The following BTBD10 variants were observed in gnomAD, a reference collection of about 807,000 sequenced individuals.
BTBD10 encodes BTB domain containing 10, also known as BTB/POZ domain-containing protein 10.
BTBD10 carries 21 observed loss-of-function variants against 53.2 expected under a neutral mutation model. That is an observed-to-expected ratio of 0.39 (90% CI 0.28 to 0.57). The LOEUF is 0.57. Ranked by LOEUF, BTBD10 falls within the 20% of genes least tolerant of loss-of-function variation. The pLI, the probability that BTBD10 is intolerant of heterozygous loss-of-function variation, is 0.53. For synonymous variants in BTBD10, 149 were observed against 192.7 expected, an observed-to-expected ratio of 0.77 and a Z score of 1.88; for missense variants, 360 against 594.7, an observed-to-expected ratio of 0.61 and a Z score of 4.10.
At chr11:13,399,280 G>A (rs181498062) in intron 8 of BTBD10, among the ~76,000 whole-genome samples, 145 of 152,010 alleles carry the variant, frequency 9.5e-4, no homozygotes, top group Non-Finnish European at 1.5e-3. Context: ...TTCTCTTCAC[G>A]CTTCATTTCA....
chr11:13,444,943 G>A (rs901438924), intron 2 of BTBD10, 81 bp downstream of exon 2: 9 of 1,035,654 alleles, frequency 8.7e-6, no homozygotes, highest in African/African-American at 3.2e-5. Context: ...GACAGGAATT[G>A]CCACAACCAA....
At chr11:13,421,079 C>T (rs1228907907) in intron 3 of BTBD10, among the ~76,000 whole-genome samples, 1 of 136,980 alleles carries the variant, frequency 7.3e-6, no homozygotes, top group African/African-American at 2.7e-5. Context: ...TGCTAAGGCA[C>T]CTCTTCTTCA....
intron 2 of BTBD10, among the ~76,000 whole-genome samples, chr11:13,433,770 T>C (rs912931238): frequency 4.6e-5 from 7 of 151,966 alleles, no homozygotes; most frequent in Admixed American, 1.3e-4. Flanking sequence ...TAGCCAAAAA[T>C]ATTCACTATC....
At chr11:13,415,594 G>A (rs1950085344) in intron 5 of BTBD10, among the ~76,000 whole-genome samples, 1 of 150,130 alleles carries the variant, frequency 6.7e-6, no homozygotes, top group South Asian at 2.1e-4. Context: ...TTTTTTTTTA[G>A]ACATATATAA....
chr11:13,418,081 T>C (rs961918627), intron 4 of BTBD10, among the ~76,000 whole-genome samples: 2 of 152,112 alleles, frequency 1.3e-5, no homozygotes, highest in African/African-American at 4.8e-5. Flanking sequence ...TATGGTACGG[T>C]TGAACTAAGT....
rs375550197 is a variant in BTBD10, at chr11:13,423,800, G to A, written c.102-1962C>T. Among the ~76,000 whole-genome samples, 293 of 152,212 alleles carry A rather than the reference G, an allele frequency of 1.9e-3. 2 individuals carry two copies. Among genetic ancestry groups the A allele is most frequent in the African/African-American group, 6.7e-3 (278 of 41,540 alleles). On this transcript the variant is annotated intron_variant, in intron 2 of 8. Coordinates refer to ENST00000278174, the MANE Select transcript of BTBD10 (RefSeq NM_032320.7). ...CTTGCTATAACAGAATACCAGGACA[G>A]AAGATAAAGTTGACTTTGTATTTAT... is the stretch of plus-strand genomic sequence containing the variant.
At chr11:13,450,523 T>C (rs1035432530) in intron 1 of BTBD10, among the ~76,000 whole-genome samples, 2 of 152,208 alleles carry the variant, frequency 1.3e-5, no homozygotes, top group African/African-American at 4.8e-5. Flanking sequence ...AAATGTATGA[T>C]ATGGATATAA....
Position 13,419,694 on chromosome 11 carries a change from T to C in BTBD10, c.350A>G (p.Lys117Arg), listed in dbSNP as rs754903895. Residue 117 changes from lysine (K) to arginine (R), a missense_variant, in exon 4 of 9, where the codon AAA becomes AGA. Lys to Arg is a conservative substitution (Grantham distance 26, BLOSUM62 2). Around this residue, in one of 6 missense-constraint regions of BTBD10, gnomAD observed 109 missense variants for 118.6 expected, o/e 0.92. Coordinates refer to ENST00000278174, the MANE Select transcript of BTBD10 (RefSeq NM_032320.7). ...GCTAATGGAACCATTTGGGGATGCT[T>C]TTTGAGGACGCGGACTGCTTGGACG... ...SSRPSSPRPQ[K>R]ASPNGSISSA... The C allele has an allele frequency of 1.9e-6, 3 of 1,613,682 alleles. No homozygotes were observed. The Admixed American group carries it at 5.0e-5, about 27-fold the overall frequency.
At chr11:13,394,614 T>G (rs911853202) in intron 8 of BTBD10, among the ~76,000 whole-genome samples, 12 of 152,316 alleles carry the variant, frequency 7.9e-5, no homozygotes, top group Non-Finnish European at 1.3e-4. Flanking sequence ...ATTACATATT[T>G]ATACATGTGC....
chr11:13,410,674 T>C (rs7924494), intron 6 of BTBD10, among the ~76,000 whole-genome samples: 1 of 152,122 alleles, frequency 6.6e-6, no homozygotes, highest in East Asian at 1.9e-4. Flanking sequence ...AGGCATATAT[T>C]AGGATCAACT....
chr11:13,421,374 T>C (rs982667245), intron 3 of BTBD10, among the ~76,000 whole-genome samples: 2 of 152,210 alleles, frequency 1.3e-5, no homozygotes, highest in African/African-American at 4.8e-5. Context: ...TCGAAAACTT[T>C]GAAAATCTAT....
chr11:13,433,068 T>C (rs966161576), intron 2 of BTBD10, among the ~76,000 whole-genome samples: 1 of 152,172 alleles, frequency 6.6e-6, no homozygotes, highest in Non-Finnish European at 1.5e-5. Context: ...TATATATATG[T>C]TTTTGTCCAT....
At chr11:13,459,058 AT>A (rs199960942) in intron 1 of BTBD10, among the ~76,000 whole-genome samples, 32,659 of 135,086 alleles carry the variant, frequency 0.24, 4,480 homozygotes, top group East Asian at 0.53. Context: ...TTATTTATTT[AT>A]TTTTTTTTTT....
At position 13,405,872 on chromosome 11, in the gene BTBD10, C is replaced by A; in HGVS notation, c.809-16G>T. ...ATTAGGGCACCTGAAATGAAATCCA[C>A]AAAAATATCTTACCAAAACTTTTCC... On this transcript the variant is annotated splice_polypyrimidine_tract_variant and intron_variant, in intron 6 of 8. Coordinates refer to ENST00000278174, the MANE Select transcript of BTBD10 (RefSeq NM_032320.7). The A allele has an allele frequency of 6.2e-7, 1 of 1,608,018 alleles. No individual in the cohort carries two copies. The highest frequency in any genetic ancestry group is 1.3e-5 in the African/African-American group (1 of 74,672).
intron 8 of BTBD10, among the ~76,000 whole-genome samples, chr11:13,392,388 CAG>C (rs1476123333): frequency 6.6e-6 from 1 of 152,044 alleles, no homozygotes; most frequent in African/African-American, 2.4e-5. Flanking sequence ...GGCAGGAACA[CAG>C]AAGATGGTTT....
At chr11:13,441,003 C>A (rs1247834825) in intron 2 of BTBD10, among the ~76,000 whole-genome samples, 1 of 152,188 alleles carries the variant, frequency 6.6e-6, no homozygotes, top group East Asian at 1.9e-4. Flanking sequence ...GGCTACCAAA[C>A]TGTTCTATAT....
At chr11:13,440,328 G>T in intron 2 of BTBD10, 1 of 1,088,232 alleles carries the variant, frequency 9.2e-7, no homozygotes, top group Non-Finnish European at 1.1e-6. Flanking sequence ...ATTGGATATT[G>T]TAATTGATAG....
intron 1 of BTBD10, among the ~76,000 whole-genome samples, chr11:13,452,291 A>G (rs1466601830): frequency 6.6e-6 from 1 of 152,240 alleles, no homozygotes; most frequent in Non-Finnish European, 1.5e-5. Flanking sequence ...AGAACAGATC[A>G]GCCAGGAGTT....
intron 6 of BTBD10, among the ~76,000 whole-genome samples, chr11:13,406,518 G>A (rs905312075): frequency 6.6e-6 from 1 of 151,964 alleles, no homozygotes; most frequent in Non-Finnish European, 1.5e-5. Flanking sequence ...TCAGCCTGGA[G>A]AGCGAAGTTA....
Sources: gnomAD v4.1 joint callset for allele counts (sites outside exome capture counted in the v4.1 genomes callset) on GRCh38, gnomAD v4.1.1 for gene constraint, gnomAD v4.1.1 regional missense constraint, MANE v1.5 for transcripts, NCBI Gene and HGNC (gene_info 2026-07-23, HGNC 2026-07-21) for gene names.